The following CCDC191 variants were observed in gnomAD, a reference collection of about 807,000 sequenced individuals.
The protein encoded by CCDC191 is coiled-coil domain-containing protein 191.
CCDC191 carries 99 observed loss-of-function variants against 114.0 expected under a neutral mutation model. The ratio of observed to expected loss-of-function variants is 0.87; its 90% CI spans 0.74 to 1.03. The LOEUF (loss-of-function observed/expected upper bound fraction) is 1.03, where lower values mean the gene tolerates loss of function less well. Among genes scored for constraint, CCDC191 ranks in the 50% least tolerant of loss-of-function variants. The pLI, the probability that CCDC191 is intolerant of heterozygous loss-of-function variation, is 0.00. For synonymous variants in CCDC191, 351 were observed against 376.0 expected, an observed-to-expected ratio of 0.93 and a Z score of 0.77; for missense variants, 973 against 1,087.0, an observed-to-expected ratio of 0.90 and a Z score of 1.47.
chr3:114,046,172 A>T (rs1217703326), intron 3 of CCDC191, among the ~76,000 whole-genome samples: 1 of 152,186 alleles, frequency 6.6e-6, no homozygotes, highest in Non-Finnish European at 1.5e-5. Flanking sequence ...CAGTAACGAA[A>T]ATACCAAATT....
At position 114,018,798 on chromosome 3, in the gene CCDC191, C is replaced by T. The variant is rs2076202763; in HGVS notation, c.1043G>A (p.Gly348Glu). The T allele has an allele frequency of 6.2e-7, 1 of 1,613,864 alleles. No individual in the cohort carries two copies. The highest frequency in any genetic ancestry group is 8.5e-7 in the Non-Finnish European group (1 of 1,179,864). The change falls in exon 8 of 17, where the codon GGG (glycine) becomes GAG (glutamate). Residue 348 changes from glycine to glutamate, a missense_variant. Transcript: ENST00000295878. The stretch of plus-strand genomic sequence containing the variant: ...CTGAATCTTCCAGTCAGACAGGGTC[C>T]CAGCTTTCCCCAGCTTAATCCTATG... ...LDHRIKLGKAGTLSDWKIQLK... is the reference protein window; with the variant it reads ...LDHRIKLGKAETLSDWKIQLK...
At chr3:114,046,567 G>T in intron 3 of CCDC191, 24 bp downstream of exon 3, 2 of 1,333,586 alleles carry the variant, frequency 1.5e-6, no homozygotes, top group Non-Finnish European at 1.1e-6. Flanking sequence ...TGTTAACATC[G>T]CAGCAGAAAA....
At chr3:113,993,482 T>C (rs2107640928) in intron 13 of CCDC191, among the ~76,000 whole-genome samples, 1 of 152,250 alleles carries the variant, frequency 6.6e-6, no homozygotes, top group South Asian at 2.1e-4. Flanking sequence ...TATATAAAAA[T>C]AATTTAATGG....
In CCDC191 at chr3:114,056,389, C is replaced by T; in HGVS notation, c.78G>A (p.Lys26=). The T allele has an allele frequency of 6.2e-7, 1 of 1,614,146 alleles. No individual in the cohort carries two copies. Among genetic ancestry groups the T allele is most frequent in the Non-Finnish European group, 8.5e-7 (1 of 1,180,002 alleles). Residue 26 remains lysine (K), a synonymous_variant, in exon 1 of 17, where the codon AAG becomes AAA. Coordinates refer to ENST00000295878, the MANE Select transcript of CCDC191 (RefSeq NM_020817.2). Reference sequence around the variant, plus strand: ...CGATTGGGATCACCTTGGGACTCGGCTTCCTTGTGAACCGTTTCCAGCGAT... The same window carrying T: ...CGATTGGGATCACCTTGGGACTCGGTTTCCTTGTGAACCGTTTCCAGCGAT... ...GLNRWKRFTR[K]PSPKPTFGPD... is the part of the protein sequence containing the mutation.
intron 7 of CCDC191, among the ~76,000 whole-genome samples, chr3:114,026,729 T>G (rs373812736): frequency 1.2e-4 from 18 of 152,346 alleles, no homozygotes; most frequent in South Asian, 1.0e-3. Context: ...CTACATTTCC[T>G]TGGTTTAGTT....
At chr3:114,024,934 C>G (rs1275663442) in intron 7 of CCDC191, among the ~76,000 whole-genome samples, 3 of 152,272 alleles carry the variant, frequency 2.0e-5, no homozygotes, top group Non-Finnish European at 2.9e-5. Context: ...AAAAGCAATA[C>G]CCCATGACCA....
intron 2 of CCDC191, among the ~76,000 whole-genome samples, chr3:114,047,355 G>A (rs752292732): frequency 2.6e-5 from 4 of 152,140 alleles, no homozygotes; most frequent in Non-Finnish European, 4.4e-5. Context: ...TTATTTACCT[G>A]CACAGAATAA....
chr3:114,032,598 A>C (rs1015332949), intron 6 of CCDC191, among the ~76,000 whole-genome samples: 1 of 152,182 alleles, frequency 6.6e-6, no homozygotes, highest in Non-Finnish European at 1.5e-5. Context: ...TCTTTCTTGA[A>C]CTTTTAGTTC....
At position 113,992,886 on chromosome 3, in the gene CCDC191, C is replaced by T. The variant is rs546597598; in HGVS notation, c.2163+8709G>A. ...ATTATAGGCCAACATACCTGATGAA[C>T]ATAAATGCAAAAATCCTGAACAAAA... On this transcript the variant is annotated intron_variant, in intron 13 of 16. Coordinates refer to ENST00000295878, the MANE Select transcript of CCDC191 (RefSeq NM_020817.2). 2.0e-5 allele frequency among the ~76,000 whole-genome samples: 3 copies of T among 152,214 alleles called. No individual in the cohort carries two copies. The South Asian group carries it at 6.2e-4, about 32-fold the overall frequency.
At chr3:113,989,018 G>A (rs908054353) in intron 13 of CCDC191, among the ~76,000 whole-genome samples, 1 of 152,040 alleles carries the variant, frequency 6.6e-6, no homozygotes, top group Non-Finnish European at 1.5e-5. Flanking sequence ...GGATAGTCTT[G>A]ATCTCCTGAC....
intron 4 of CCDC191, among the ~76,000 whole-genome samples, chr3:114,039,796 C>T (rs1204107879): frequency 6.6e-6 from 1 of 151,604 alleles, no homozygotes; most frequent in Admixed American, 6.6e-5. Flanking sequence ...TTTGTTTTGA[C>T]CTAAGTGTTA....
intron 13 of CCDC191, among the ~76,000 whole-genome samples, chr3:113,987,495 A>C (rs1294203497): frequency 6.6e-6 from 1 of 152,178 alleles, no homozygotes; most frequent in Admixed American, 6.5e-5. Flanking sequence ...AAGGAATGGG[A>C]GGAAGGAACT....
intron 13 of CCDC191, among the ~76,000 whole-genome samples, chr3:113,988,194 A>G (rs1017341449): frequency 6.6e-6 from 1 of 151,470 alleles, no homozygotes; most frequent in African/African-American, 2.4e-5. Flanking sequence ...TAACAAGATG[A>G]TAGATTTTAA....
At chr3:113,984,933 C>T (rs1378386280) in intron 13 of CCDC191, among the ~76,000 whole-genome samples, 2 of 152,052 alleles carry the variant, frequency 1.3e-5, no homozygotes, top group African/African-American at 4.8e-5. Context: ...CTGAAGCTAC[C>T]CCCAAATTTG....
chr3:114,009,399 T>C (rs980252862), intron 9 of CCDC191, among the ~76,000 whole-genome samples: 1 of 152,202 alleles, frequency 6.6e-6, no homozygotes, highest in Non-Finnish European at 1.5e-5. Context: ...CTTCTTTATA[T>C]ACTTATTCCA....
chr3:114,016,224 T>A (rs896964257), intron 8 of CCDC191, among the ~76,000 whole-genome samples: 1 of 152,204 alleles, frequency 6.6e-6, no homozygotes, highest in African/African-American at 2.4e-5. Flanking sequence ...AGAGCTAAGT[T>A]TCTATAGTGA....
chr3:114,042,333 A>G (rs561509050), intron 4 of CCDC191, among the ~76,000 whole-genome samples: 3 of 152,358 alleles, frequency 2.0e-5, no homozygotes, highest in Non-Finnish European at 4.4e-5. Context: ...AACTATTTAC[A>G]TAGAATTTAT....
intron 13 of CCDC191, among the ~76,000 whole-genome samples, chr3:113,996,568 G>A (rs752947398): frequency 7.2e-5 from 11 of 151,934 alleles, no homozygotes; most frequent in Admixed American, 3.3e-4. Flanking sequence ...AGACTCATGC[G>A]CATGTATATT....
At chr3:113,965,402 G>C (rs760171191) in intron 16 of CCDC191, 43 bp from the exon 17 acceptor site, 3 of 1,354,372 alleles carry the variant, frequency 2.2e-6, no homozygotes, top group Admixed American at 4.6e-5. Flanking sequence ...TTGAGAAAAA[G>C]TTGGCTTTCC....
Sources: allele counts gnomAD v4.1 joint callset (sites outside exome capture counted in the v4.1 genomes callset), GRCh38; gene constraint gnomAD v4.1.1; transcripts MANE v1.5; gene names NCBI Gene and HGNC (gene_info 2026-07-23, HGNC 2026-07-21).